PTPRD: variants seen among roughly 807,000 people sequenced by gnomAD.
The protein encoded by PTPRD is protein tyrosine phosphatase receptor type D, also known as receptor-type tyrosine-protein phosphatase delta.
In PTPRD, 34 loss-of-function variants were observed where a neutral mutation model predicts 214.5. That is an observed-to-expected ratio of 0.16 (90% CI 0.12 to 0.21). PTPRD has a LOEUF of 0.21. Ranked by LOEUF, PTPRD falls within the 10% of genes least tolerant of loss-of-function variation. The pLI is 1.00. For missense variants in PTPRD, 2,545 were observed against 2,398.7 expected (o/e 1.06, Z -1.27); for synonymous variants, 1,128 against 845.7 (o/e 1.33, Z -5.79).
chr9:9,783,379 G>C (rs1483365760), intron 5 of PTPRD, among the ~76,000 whole-genome samples: 4 of 152,040 alleles, frequency 2.6e-5, no homozygotes, highest in Admixed American at 2.6e-4. Flanking sequence ...CTTTTCATTA[G>C]ACTTCTCTTT....
chr9:10,235,917 A>T (rs1594975217), intron 3 of PTPRD, among the ~76,000 whole-genome samples: 1 of 151,968 alleles, frequency 6.6e-6, no homozygotes, highest in East Asian at 1.9e-4. Context: ...GAATTATTTT[A>T]GTGCATTCCA....
chr9:10,028,014 GT>G (rs1426580893), intron 4 of PTPRD, among the ~76,000 whole-genome samples: 6 of 152,186 alleles, frequency 3.9e-5, no homozygotes, highest in African/African-American at 1.4e-4. Flanking sequence ...GTTTGACTTT[GT>G]CCCCATGCAA....
intron 12 of PTPRD, among the ~76,000 whole-genome samples, chr9:8,676,517 G>A (rs1049093047): frequency 6.6e-6 from 1 of 151,470 alleles, no homozygotes; most frequent in African/African-American, 2.4e-5. Context: ...TGAGTAGCTG[G>A]GATTACAGGT....
At chr9:9,691,906 G>T (rs1003971796) in intron 7 of PTPRD, among the ~76,000 whole-genome samples, 6 of 151,892 alleles carry the variant, frequency 4.0e-5, no homozygotes, top group African/African-American at 1.5e-4. Flanking sequence ...ATACCTGTTT[G>T]CCATTTGTAT....
chr9:9,571,924 C>T (rs1365379277), intron 8 of PTPRD, among the ~76,000 whole-genome samples: 1 of 150,962 alleles, frequency 6.6e-6, no homozygotes, highest in Non-Finnish European at 1.5e-5. Context: ...AATGTAACAC[C>T]TGGAGTCCAT....
intron 9 of PTPRD, among the ~76,000 whole-genome samples, chr9:9,281,613 G>A (rs947801258): frequency 2.0e-5 from 3 of 151,270 alleles, no homozygotes; most frequent in African/African-American, 7.3e-5. Context: ...TTCTGGTAAG[G>A]ATGTGGAACA....
chr9:9,273,665 T>G (rs1382686125), intron 9 of PTPRD, among the ~76,000 whole-genome samples: 4 of 151,256 alleles, frequency 2.6e-5, no homozygotes, highest in Non-Finnish European at 4.4e-5. Context: ...CTCTATTCCA[T>G]AGAAATAAAA....
chr9:9,408,509 C>T (rs1353408097), intron 8 of PTPRD, among the ~76,000 whole-genome samples: 4 of 151,786 alleles, frequency 2.6e-5, no homozygotes, highest in Non-Finnish European at 4.4e-5. Flanking sequence ...TTGAAACTCT[C>T]ACTCTCAATT....
intron 3 of PTPRD, among the ~76,000 whole-genome samples, chr9:10,073,719 C>T (rs1308487157): frequency 2.0e-5 from 3 of 151,948 alleles, no homozygotes; most frequent in Non-Finnish European, 4.4e-5. Context: ...ATTTCTACAT[C>T]GTTGACATGT....
At chr9:8,966,548 G>C (rs1589021623) in intron 11 of PTPRD, among the ~76,000 whole-genome samples, 1 of 151,994 alleles carries the variant, frequency 6.6e-6, no homozygotes, top group African/African-American at 2.4e-5. Flanking sequence ...GAGACAACTG[G>C]CCAGCCATAT....
intron 3 of PTPRD, among the ~76,000 whole-genome samples, chr9:10,158,500 A>G (rs938913272): frequency 1.3e-5 from 2 of 152,180 alleles, no homozygotes; most frequent in African/African-American, 4.8e-5. Context: ...TCTAGTACCA[A>G]AATAGCAGCC....
intron 14 of PTPRD, among the ~76,000 whole-genome samples, chr9:8,572,600 C>T (rs1222693726): frequency 6.6e-6 from 1 of 151,846 alleles, no homozygotes; most frequent in Non-Finnish European, 1.5e-5. Context: ...CATTAGACAA[C>T]ACAAAAATTC....
intron 2 of PTPRD, among the ~76,000 whole-genome samples, chr9:10,464,928 A>T (rs1337640159): frequency 6.6e-6 from 1 of 152,208 alleles, no homozygotes; most frequent in East Asian, 1.9e-4. Flanking sequence ...CTAACATTAC[A>T]ATCAATGACA....
At chr9:9,352,371 G>GTGTA (rs140788333) in intron 9 of PTPRD, among the ~76,000 whole-genome samples, 28 of 147,656 alleles carry the variant, frequency 1.9e-4, no homozygotes, top group South Asian at 6.4e-4. Flanking sequence ...GTGTGTGTGT[G>GTGTA]TATATATATA....
chr9:10,262,763 T>A (rs955081943), intron 3 of PTPRD, among the ~76,000 whole-genome samples: 1 of 152,096 alleles, frequency 6.6e-6, no homozygotes, highest in African/African-American at 2.4e-5. Context: ...AGTCCACAGT[T>A]TTTTCATGCC....
At chr9:9,762,541 G>A (rs1287940337) in intron 6 of PTPRD, among the ~76,000 whole-genome samples, 2 of 152,076 alleles carry the variant, frequency 1.3e-5, no homozygotes, top group African/African-American at 2.4e-5. Context: ...TCAACACTTT[G>A]CTCAGAAACC....
At chr9:8,837,769 T>C (rs2097465186) in intron 11 of PTPRD, among the ~76,000 whole-genome samples, 1 of 152,188 alleles carries the variant, frequency 6.6e-6, no homozygotes, top group Non-Finnish European at 1.5e-5. Flanking sequence ...CCCAAAGTGT[T>C]GGGATTACAA....
chr9:8,389,481 G>C (rs2135680588), intron 36 of PTPRD, 74 bp from the exon 37 acceptor site: 2 of 1,140,482 alleles, frequency 1.8e-6, no homozygotes, highest in Admixed American at 4.6e-5. Flanking sequence ...TGACCTAATG[G>C]CAGTGCTATC....
intron 9 of PTPRD, among the ~76,000 whole-genome samples, chr9:9,333,534 C>T (rs1348190619): frequency 7.8e-6 from 1 of 128,402 alleles, no homozygotes; most frequent in Non-Finnish European, 1.5e-5. Context: ...ATAAAGTCTG[C>T]AATGCAATCA....
Sources: allele counts gnomAD v4.1 joint callset (sites outside exome capture counted in the v4.1 genomes callset), GRCh38; gene constraint gnomAD v4.1.1; transcripts MANE v1.5; gene names NCBI Gene and HGNC (gene_info 2026-07-23, HGNC 2026-07-21).